Variants in SLC44A2 observed in about 807,000 individuals in gnomAD.
SLC44A2 encodes the protein choline transporter-like protein 2.
Under a neutral mutation model 90.8 loss-of-function variants are expected in SLC44A2, and 57 were observed. The observed-to-expected ratio is 0.63, with a 90% CI of 0.51 to 0.78. The LOEUF is 0.78. Among genes scored for constraint, SLC44A2 ranks in the 30% least tolerant of loss-of-function variants. The pLI is 0.00. For synonymous variants in SLC44A2, 355 were observed against 360.7 expected, an observed-to-expected ratio of 0.98 and a Z score of 0.18; for missense variants, 794 against 919.7, an observed-to-expected ratio of 0.86 and a Z score of 1.77.
chr19:10,616,088 C>T (rs1420299574), intron 1 of SLC44A2, among the ~76,000 whole-genome samples: 1 of 150,348 alleles, frequency 6.7e-6, no homozygotes, highest in Non-Finnish European at 1.5e-5. Context: ...TGCAGTGAGC[C>T]AAGATGGTGC....
chr19:10,634,737 T>G lies in SLC44A2; in HGVS notation c.824-19T>G. The G allele has an allele frequency of 1.9e-6, 3 of 1,614,156 alleles. No individual in the cohort carries two copies. The South Asian group carries it at 3.3e-5, about 18-fold the overall frequency. Reference sequence around the variant, plus strand: ...TGCAGGAGGCACTGCTGGACTGAGCTTGTGGTTCCCCCATGCAGGAATATT... The same window carrying G: ...TGCAGGAGGCACTGCTGGACTGAGCGTGTGGTTCCCCCATGCAGGAATATT... On this transcript the variant is annotated intron_variant, in intron 10 of 21. Transcript: ENST00000335757.
intron 4 of SLC44A2, among the ~76,000 whole-genome samples, chr19:10,628,929 C>G (rs2066963612): frequency 6.6e-6 from 1 of 151,916 alleles, no homozygotes; most frequent in East Asian, 1.9e-4. Context: ...AGAATGCCAC[C>G]TGGCATCGCT....
chr19:10,602,515 C>T, exon 1 of SLC44A2: 1 of 1,270,280 alleles, frequency 7.9e-7, no homozygotes, highest in Non-Finnish European at 1.0e-6. Context: ...ACTCCGCTCC[C>T]CGCCCCGCCG....
rs181907308 is a variant in SLC44A2 at position 10,638,947 on chromosome 19, G to A, written c.1929+632G>A. On this transcript the variant is annotated intron_variant, in intron 20 of 21. Coordinates refer to ENST00000335757, the MANE Select transcript of SLC44A2 (RefSeq NM_020428.4). The stretch of plus-strand genomic sequence containing the variant: ...CCCGAGTAGCTGAGATTACAGGCAC[G>A]AGCCACCACGTGTGGCTAATTTTAC... Among the ~76,000 whole-genome samples, 77 of 152,178 alleles carry A rather than the reference G, an allele frequency of 5.1e-4. 1 individual carries two copies. The East Asian group carries it at 0.012, about 24-fold the overall frequency.
chr19:10,631,038 C>A lies in SLC44A2; in HGVS notation c.246-19C>A. ...AAAAAAAATCTTAACAGTTTCCATTCTCCCTTCTCTAACTCCAGGAACAAA... is the reference window on the plus strand; with the variant it reads ...AAAAAAAATCTTAACAGTTTCCATTATCCCTTCTCTAACTCCAGGAACAAA... On this transcript the variant is annotated intron_variant, in intron 4 of 21. Coordinates refer to ENST00000335757, the MANE Select transcript of SLC44A2 (RefSeq NM_020428.4). The A allele has an allele frequency of 6.5e-7, 1 of 1,547,164 alleles. No homozygotes were observed. The highest frequency in any genetic ancestry group is 8.9e-7 in the Non-Finnish European group (1 of 1,126,740).
upstream of SLC44A2, chr19:10,625,421 A>C (rs1055278148): frequency 2.6e-6 from 3 of 1,169,210 alleles, no homozygotes; most frequent in Non-Finnish European, 3.2e-6. Context: ...GAGTGGCGGG[A>C]GCAGCTGCAG....
At chr19:10,613,177 C>A (rs1918358297) in intron 1 of SLC44A2, among the ~76,000 whole-genome samples, 1 of 152,100 alleles carries the variant, frequency 6.6e-6, no homozygotes, top group African/African-American at 2.4e-5. Context: ...CCCACCTCAG[C>A]CTCCTGAGTA....
In SLC44A2 at chr19:10,612,478, C is replaced by T. The variant is rs1270097503; in HGVS notation, c.31+9917C>T. On this transcript the variant is annotated intron_variant, in intron 1 of 21. Transcript: ENST00000407327. ...GGCGCTCTATCTTTTGCCCTTAACC[C>T]TTCTGAGCCTCCCCACCCAGATGCT... 3.3e-5 allele frequency among the ~76,000 whole-genome samples: 5 copies of T among 152,204 alleles called. No individual in the cohort carries two copies. The East Asian group carries it at 5.8e-4, about 18-fold the overall frequency.
chr19:10,617,009 C>A (rs113155917), intron 1 of SLC44A2, among the ~76,000 whole-genome samples: 2,765 of 152,192 alleles, frequency 0.018, 81 homozygotes, highest in African/African-American at 0.064. Flanking sequence ...GCAAGCTCCG[C>A]CTCCCGGGTT....
At position 10,631,653 on chromosome 19, in the gene SLC44A2, A is replaced by G; in HGVS notation, c.530A>G (p.His177Arg). The change falls in exon 8 of 22, where the codon CAC (histidine) becomes CGC (arginine). Residue 177 changes from histidine to arginine, a missense_variant. Physicochemically the swap from His to Arg is conservative, Grantham distance 29. This residue lies in a region of SLC44A2 where 738 missense variants were observed against 841.1 expected (regional missense o/e 0.88). Coordinates refer to ENST00000335757, the MANE Select transcript of SLC44A2 (RefSeq NM_020428.4). ...PLARRCFPAIHAYKGVLMVGN... is the reference protein window; with the variant it reads ...PLARRCFPAIRAYKGVLMVGN... The stretch of plus-strand genomic sequence containing the variant: ...GCCCGGAGATGCTTCCCCGCTATCC[A>G]CGCCTACAAGGGTGTCCTGATGGTG... The G allele has an allele frequency of 6.2e-7, 1 of 1,613,616 alleles. No homozygotes were observed. Among genetic ancestry groups the G allele is most frequent in the Non-Finnish European group, 8.5e-7 (1 of 1,180,000 alleles).
chr19:10,641,531 G>C, intron 20 of SLC44A2: 1 of 390,646 alleles, frequency 2.6e-6, no homozygotes, highest in Non-Finnish European at 5.0e-6. Flanking sequence ...CAGGACAATA[G>C]CACATGCAGA....
At position 10,636,397 on chromosome 19, in the gene SLC44A2, G is replaced by C. The variant is rs768530292; in HGVS notation, c.1308G>C (p.Ser436=). 5.0e-6 allele frequency: 8 copies of C among 1,613,654 alleles called. No homozygotes were observed. Among genetic ancestry groups the C allele is most frequent in the Non-Finnish European group, 6.8e-6 (8 of 1,179,990 alleles). ...AGTTCGCCTTCTACGGTGGTGAGTC[G>C]GGCTACCACCGGGCCCTGCTGGGCC... ...RCQFAFYGGE[S]GYHRALLGLQ... is the part of the protein sequence containing the mutation. Residue 436 remains serine, a synonymous_variant, in exon 15 of 22, where the codon TCG becomes TCC. Transcript: ENST00000335757.
At chr19:10,618,064 G>T (rs1209137177) in intron 1 of SLC44A2, among the ~76,000 whole-genome samples, 2 of 152,022 alleles carry the variant, frequency 1.3e-5, no homozygotes, top group East Asian at 1.9e-4. Flanking sequence ...AAGTGCAGTG[G>T]CGTGATCTCG....
intron 1 of SLC44A2, among the ~76,000 whole-genome samples, chr19:10,615,612 G>GGAGGAA (rs146234405): frequency 2.0e-5 from 3 of 151,442 alleles, no homozygotes; most frequent in African/African-American, 2.4e-5. Flanking sequence ...AGTGAGCTGA[G>GGAGGAA]GAGGAAGAGG....
At chr19:10,617,220 C>G (rs1468222615) in intron 1 of SLC44A2, among the ~76,000 whole-genome samples, 26 of 152,050 alleles carry the variant, frequency 1.7e-4, no homozygotes, top group Admixed American at 1.7e-3. Context: ...ACGCCCAGCC[C>G]TTGTTCTTCT....
At chr19:10,622,666 C>T (rs1371619927), upstream of SLC44A2, among the ~76,000 whole-genome samples, 1 of 152,014 alleles carries the variant, frequency 6.6e-6, no homozygotes, top group Non-Finnish European at 1.5e-5. Flanking sequence ...CTTTGGGAGG[C>T]TGAGGTGGGA....
chr19:10,606,141 A>T (rs988436147), intron 1 of SLC44A2, among the ~76,000 whole-genome samples: 9 of 151,090 alleles, frequency 6.0e-5, no homozygotes, highest in Admixed American at 1.3e-4. Flanking sequence ...CTACAAAAAA[A>T]TTTAAAAATT....
chr19:10,617,439 A>G (rs979805515), intron 1 of SLC44A2, among the ~76,000 whole-genome samples: 2 of 152,166 alleles, frequency 1.3e-5, no homozygotes, highest in African/African-American at 4.8e-5. Context: ...GCCTTGAGCC[A>G]AGTGTATGCC....
chr19:10,630,358 G>T (rs1271054139), intron 4 of SLC44A2, among the ~76,000 whole-genome samples: 2 of 143,518 alleles, frequency 1.4e-5, no homozygotes, highest in African/African-American at 2.6e-5. Flanking sequence ...TCTCAAAAAA[G>T]AAAAAAAAAC....
Sources: gnomAD v4.1 joint callset for allele counts (sites outside exome capture counted in the v4.1 genomes callset) on GRCh38, gnomAD v4.1.1 for gene constraint, gnomAD v4.1.1 regional missense constraint, MANE v1.5 for transcripts, NCBI Gene and HGNC (gene_info 2026-07-23, HGNC 2026-07-21) for gene names.